The following TTC29 variants were observed in gnomAD, a reference collection of about 807,000 sequenced individuals.
The protein encoded by TTC29 is tetratricopeptide repeat domain 29, also known as tetratricopeptide repeat protein 29.
Under a neutral mutation model 58.1 loss-of-function variants are expected in TTC29, and 49 were observed. The ratio of observed to expected loss-of-function variants is 0.84; its 90% CI spans 0.67 to 1.07. The LOEUF is 1.07. Among genes scored for constraint, TTC29 ranks in the 50% least tolerant of loss-of-function variants. The pLI is 0.00. For synonymous variants in TTC29, 209 were observed against 196.8 expected, an observed-to-expected ratio of 1.06 and a Z score of -0.52; for missense variants, 582 against 555.6, an observed-to-expected ratio of 1.05 and a Z score of -0.48.
At chr4:146,839,218 C>G (rs745842887) in intron 8 of TTC29, among the ~76,000 whole-genome samples, 1 of 151,740 alleles carries the variant, frequency 6.6e-6, no homozygotes, top group Non-Finnish European at 1.5e-5. Context: ...TGTGTGCTAA[C>G]CAAATAAGCG....
At chr4:146,797,000 G>T (rs1477966314) in intron 11 of TTC29, among the ~76,000 whole-genome samples, 1 of 150,024 alleles carries the variant, frequency 6.7e-6, no homozygotes, top group African/African-American at 2.4e-5. Flanking sequence ...TGTAATCTAA[G>T]AAAAAAAAAG....
chr4:146,870,380 C>T (rs1040845747), intron 7 of TTC29, among the ~76,000 whole-genome samples: 6 of 151,824 alleles, frequency 4.0e-5, no homozygotes, highest in Non-Finnish European at 7.4e-5. Flanking sequence ...ACATTTATAG[C>T]TATAAATGTC....
chr4:146,907,971 C>G (rs771611892), intron 5 of TTC29, among the ~76,000 whole-genome samples: 39 of 152,268 alleles, frequency 2.6e-4, no homozygotes, highest in Non-Finnish European at 4.9e-4. Flanking sequence ...CTGCCACACA[C>G]ACACCCTAGT....
At chr4:146,770,587 G>T (rs985161376) in intron 11 of TTC29, among the ~76,000 whole-genome samples, 1 of 151,920 alleles carries the variant, frequency 6.6e-6, no homozygotes. Context: ...AAGCATAATT[G>T]CATAAGAGAT....
intron 10 of TTC29, among the ~76,000 whole-genome samples, chr4:146,808,548 G>A (rs1020183786): frequency 1.3e-5 from 2 of 152,100 alleles, no homozygotes; most frequent in African/African-American, 2.4e-5. Context: ...AAAGTCTCAG[G>A]ATACAAAATC....
intron 8 of TTC29, among the ~76,000 whole-genome samples, chr4:146,847,053 C>T (rs536153914): frequency 5.9e-4 from 90 of 152,242 alleles, no homozygotes; most frequent in African/African-American, 2.1e-3. Flanking sequence ...TGAATGCTTT[C>T]GCACAGAAGA....
At chr4:146,806,257 C>A (rs541064323) in intron 10 of TTC29, among the ~76,000 whole-genome samples, 2 of 152,300 alleles carry the variant, frequency 1.3e-5, no homozygotes, top group South Asian at 4.2e-4. Flanking sequence ...AAAGGAAAAA[C>A]CAGTACTAGC....
chr4:146,920,560 A>G (rs918147595), intron 4 of TTC29, among the ~76,000 whole-genome samples: 1 of 151,002 alleles, frequency 6.6e-6, no homozygotes, highest in African/African-American at 2.4e-5. Flanking sequence ...CAAAAACTGC[A>G]TGTGTATTTC....
chr4:146,721,599 A>G (rs776259763), intron 11 of TTC29, among the ~76,000 whole-genome samples: 38 of 152,210 alleles, frequency 2.5e-4, no homozygotes, highest in Non-Finnish European at 4.1e-4. Flanking sequence ...GTTAGTTGGC[A>G]CATAGAAGGT....
intron 11 of TTC29, among the ~76,000 whole-genome samples, chr4:146,757,830 A>C (rs1044699750): frequency 6.6e-6 from 1 of 152,188 alleles, no homozygotes; most frequent in African/African-American, 2.4e-5. Flanking sequence ...TCTTGAAACA[A>C]ATCCTGGAAA....
intron 10 of TTC29, among the ~76,000 whole-genome samples, chr4:146,819,228 A>G (rs987683286): frequency 1.3e-5 from 2 of 152,148 alleles, no homozygotes; most frequent in Non-Finnish European, 2.9e-5. Context: ...ATGAGGTGAG[A>G]AAACCGAGGC....
At chr4:146,708,309 TA>T (rs1554002676) in intron 11 of TTC29, among the ~76,000 whole-genome samples, 2 of 3,856 alleles carry the variant, frequency 5.2e-4, no homozygotes, top group Non-Finnish European at 1.0e-3. Flanking sequence ...ATGGGAAGTT[TA>T]TATATATATA....
intron 6 of TTC29, among the ~76,000 whole-genome samples, chr4:146,877,081 TTCACA>T (rs1407480372): frequency 2.0e-5 from 3 of 152,070 alleles, no homozygotes; most frequent in African/African-American, 7.2e-5. Context: ...ATTATGAAAC[TTCACA>T]TGATAGGAGA....
chr4:146,785,730 G>A (rs1748959105), intron 11 of TTC29, among the ~76,000 whole-genome samples: 1 of 152,028 alleles, frequency 6.6e-6, no homozygotes, highest in Non-Finnish European at 1.5e-5. Context: ...TTCTTGAGCT[G>A]TCTGGTTTCA....
At chr4:146,718,449 C>T (rs532152365) in intron 11 of TTC29, among the ~76,000 whole-genome samples, 7 of 152,240 alleles carry the variant, frequency 4.6e-5, no homozygotes, top group African/African-American at 1.4e-4. Flanking sequence ...CTTTAGTTTA[C>T]TAGTGATTAA....
intron 6 of TTC29, among the ~76,000 whole-genome samples, chr4:146,886,169 T>C (rs1731969512): frequency 6.6e-6 from 1 of 152,150 alleles, no homozygotes; most frequent in African/African-American, 2.4e-5. Flanking sequence ...TCATCCTTTC[T>C]TTCAATTTAT....
Position 146,739,419 on chromosome 4 carries a change from G to A in TTC29, c.1331-31868C>T, listed in dbSNP as rs75173190. The stretch of plus-strand genomic sequence containing the variant: ...ACTCCTCTAACACTTTCTCTTTTCT[G>A]TAGTCCATATTATGTTCTATTGTAT... On this transcript the variant is annotated intron_variant, in intron 11 of 12. Transcript: ENST00000325106. Among the ~76,000 whole-genome samples the A allele has an allele frequency of 5.3e-3, 805 of 152,150 alleles. 3 individuals carry two copies. The highest frequency in any genetic ancestry group is 8.8e-3 in the Non-Finnish European group (596 of 67,996).
chr4:146,730,968 A>G (rs1466827433), intron 11 of TTC29, among the ~76,000 whole-genome samples: 4 of 152,196 alleles, frequency 2.6e-5, no homozygotes, highest in East Asian at 1.9e-4. Context: ...TTCTTTAAAG[A>G]CAGGAGAAAC....
chr4:146,728,669 T>C (rs542827733), intron 11 of TTC29, among the ~76,000 whole-genome samples: 4 of 148,250 alleles, frequency 2.7e-5, no homozygotes, highest in Admixed American at 2.0e-4. Context: ...TCTATATATA[T>C]ACACATATAT....
Sources: gnomAD v4.1 joint callset for allele counts (sites outside exome capture counted in the v4.1 genomes callset) on GRCh38, gnomAD v4.1.1 for gene constraint, MANE v1.5 for transcripts, NCBI Gene and HGNC (gene_info 2026-07-23, HGNC 2026-07-21) for gene names.